LRAT: variants seen among roughly 807,000 people sequenced by gnomAD.
LRAT encodes the protein lecithin retinol acyltransferase (phosphatidylcholine--retinol O-acyltransferase).
A neutral mutation model predicts 14.2 loss-of-function variants in LRAT; 11 were observed. The ratio of observed to expected loss-of-function variants is 0.78; its 90% confidence interval spans 0.49 to 1.29. The LOEUF is 1.29. Ranked by LOEUF, LRAT falls within the 50% of genes most tolerant of loss-of-function variation. The pLI, the probability that LRAT is intolerant of heterozygous loss-of-function variation, is 0.00. For missense variants in LRAT, 274 were observed against 292.4 expected, an observed-to-expected ratio of 0.94 and a Z score of 0.46; for synonymous variants, 144 against 124.8, an observed-to-expected ratio of 1.15 and a Z score of -1.03.
At position 154,751,778 on chromosome 4, in the gene LRAT, T is replaced by C. The variant is rs907692118; in HGVS notation, c.*2642T>C. 2.9e-5 allele frequency: 4 copies of C among 140,172 alleles called. No homozygotes were observed. Among genetic ancestry groups the C allele is most frequent in the Admixed American group, 7.2e-5 (1 of 13,946 alleles). 8.7% of individuals were successfully genotyped at this position (140,172 alleles called of 1,614,324 possible). A position where few individuals can be genotyped will look rare whatever the true frequency, so the allele number is the denominator to read the frequency against. ...AAAAAAAAAAAAGAAGAAGAAACCC[T>C]GAGCCATTAATGTGTCTCGTAACTT... On this transcript the variant is annotated 3_prime_UTR_variant, in exon 3 of 3. Coordinates refer to ENST00000336356, the MANE Select transcript of LRAT (RefSeq NM_004744.5).
upstream of LRAT, among the ~76,000 whole-genome samples, chr4:154,743,675 T>A (rs560654572): frequency 6.6e-6 from 1 of 152,190 alleles, no homozygotes; most frequent in East Asian, 1.9e-4. Flanking sequence ...CACCGAAGAC[T>A]ACCGCGAAGT....
chr4:154,750,445 A>G lies in LRAT; in HGVS notation c.*1309A>G, dbSNP rs535606355. ...AAAATGAAGCCACAGCTAGACTTGCATTTCAGGTATTAAAATTGCTTTCTT... is the reference window on the plus strand; with the variant it reads ...AAAATGAAGCCACAGCTAGACTTGCGTTTCAGGTATTAAAATTGCTTTCTT... On this transcript the variant is annotated 3_prime_UTR_variant, in exon 3 of 3. Transcript: ENST00000336356. The G allele has an allele frequency of 7.2e-5, 11 of 152,302 alleles. No homozygotes were observed. The highest frequency in any genetic ancestry group is 1.3e-4 in the Non-Finnish European group (9 of 67,992). The allele number at this position is 152,302 out of a possible 1,614,324, so 9.4% of individuals were successfully genotyped here.
rs1048145646 is a variant in LRAT at position 154,744,331 on chromosome 4, A to G, written c.5A>G (p.Lys2Arg). The G allele has an allele frequency of 1.2e-6, 2 of 1,613,504 alleles. No homozygotes were observed. The highest frequency in any genetic ancestry group is 1.3e-5 in the African/African-American group (1 of 74,930). M[K>R]NPMLEVVSLL... ...AGACGCCCTCTTCCCTGCAGGATGAAGAACCCCATGCTGGAGGTGGTGTCT... is the reference window on the plus strand; with the variant it reads ...AGACGCCCTCTTCCCTGCAGGATGAGGAACCCCATGCTGGAGGTGGTGTCT... The change falls in exon 2 of 3, where the codon AAG (lysine) becomes AGG (arginine). Residue 2 changes from lysine (K) to arginine (R), a missense_variant. Transcript: ENST00000336356.
In LRAT at chr4:154,749,087, C is replaced by G. The variant is rs754566272; in HGVS notation, c.644C>G (p.Thr215Ser). 18 of 1,613,736 alleles carry G rather than the reference C, an allele frequency of 1.1e-5. 1 individual carries two copies. Among genetic ancestry groups the G allele is most frequent in the Middle Eastern group, 3.3e-4 (2 of 6,084 alleles). The change falls in exon 3 of 3, where the codon ACT (threonine) becomes AGT (serine). Residue 215 changes from threonine (T) to serine (S), a missense_variant. By Grantham distance (58) the Thr-to-Ser change is moderately conservative. Coordinates refer to ENST00000336356, the MANE Select transcript of LRAT (RefSeq NM_004744.5). ...GTCTGTACGGGCTTGGTATCATACA[C>G]TACCCTTCCTGCAATTTTTATTCCA... Reference protein sequence around the residue: ...SIVCTGLVSYTTLPAIFIPFF... With the variant: ...SIVCTGLVSYSTLPAIFIPFF...
chr4:154,748,365 A>G (rs1732922983), intron 2 of LRAT: 1 of 986,592 alleles, frequency 1.0e-6, no homozygotes, highest in Non-Finnish European at 1.2e-6. Flanking sequence ...CATTACACAT[A>G]TTAGAAGGAT....
At position 154,744,637 on chromosome 4, in the gene LRAT, A is replaced by T; in HGVS notation, c.311A>T (p.Lys104Ile). Reference sequence around the variant, plus strand: ...CGTCTCATCCTGGGCGTTATTGTCAAAGTGGCCAGCATCCGCGTGGACACA... The same window carrying T: ...CGTCTCATCCTGGGCGTTATTGTCATAGTGGCCAGCATCCGCGTGGACACA... ...NKRLILGVIV[K>I]VASIRVDTVE... The change falls in exon 2 of 3, where the codon AAA becomes ATA. Residue 104 changes from lysine to isoleucine, a missense_variant. Lys to Ile is a moderately radical substitution (Grantham distance 102, BLOSUM62 -3). Transcript: ENST00000336356. 1 of 1,614,180 alleles carries T rather than the reference A, an allele frequency of 6.2e-7. No homozygotes were observed. The highest frequency in any genetic ancestry group is 2.2e-5 in the East Asian group (1 of 44,870).
chr4:154,748,652 TA>T (rs1732927304), intron 2 of LRAT, among the ~76,000 whole-genome samples: 1 of 152,142 alleles, frequency 6.6e-6, no homozygotes, highest in African/African-American at 2.4e-5. Flanking sequence ...CATCTAATTT[TA>T]AAATATGCTA....
At position 154,749,011 on chromosome 4, in the gene LRAT, C is replaced by T. The variant is rs748491424; in HGVS notation, c.568C>T (p.Arg190Cys). ...TTGTGAGACTGTGAAGATAATTATT[C>T]GTGATCAGAGAAGTGTTCTTGCTTC... Reference protein sequence around the residue: ...KFCETVKIIIRDQRSVLASAV... With the variant: ...KFCETVKIIICDQRSVLASAV... Residue 190 changes from arginine to cysteine, a missense_variant, in exon 3 of 3, where the codon CGT (arginine) becomes TGT (cysteine). Transcript: ENST00000336356. 6 of 1,613,652 alleles carry T rather than the reference C, an allele frequency of 3.7e-6. No homozygotes were observed. Among genetic ancestry groups the T allele is most frequent in the Admixed American group, 1.7e-5 (1 of 60,014 alleles).
intron 1 of LRAT, 25 bp from the exon 2 acceptor site, chr4:154,744,301 C>CT: frequency 2.5e-6 from 4 of 1,613,246 alleles, no homozygotes; most frequent in Non-Finnish European, 3.4e-6. Context: ...ACCGGCACCT[C>CT]TCCAAGACGC....
Position 154,744,397 on chromosome 4 carries a change from T to C in LRAT, c.71T>C (p.Leu24Pro), listed in dbSNP as rs1303567723. The C allele has an allele frequency of 1.2e-6, 2 of 1,614,146 alleles. No homozygotes were observed. Residue 24 changes from leucine to proline, a missense_variant, in exon 2 of 3, where the codon CTC becomes CCC. Leu to Pro is a moderately conservative substitution (Grantham distance 98). Transcript: ENST00000336356. ...CTGCTCCTCATCTCCAACTTCACGC[T>C]CTTTAGTTCGGGCGCCGCGGGCGAA... The part of the protein sequence containing the change: ...EKLLLISNFT[L>P]FSSGAAGEDK...
Position 154,750,014 on chromosome 4 carries a change from G to T in LRAT, c.*878G>T, listed in dbSNP as rs563046583. ...TGCTTTATTATCATCATACTAGTGT[G>T]TTCATTATAGAGTATCTGTAGAGGT... is the stretch of plus-strand genomic sequence containing the variant. On this transcript the variant is annotated 3_prime_UTR_variant, in exon 3 of 3. Transcript: ENST00000336356. 2 of 152,236 alleles carry T rather than the reference G, an allele frequency of 1.3e-5. No homozygotes were observed. The highest frequency in any genetic ancestry group is 3.9e-4 in the East Asian group (2 of 5,194). The allele number at this position is 152,236 out of a possible 1,614,324, so 9.4% of individuals were successfully genotyped here.
chr4:154,748,098 T>TG, intron 2 of LRAT: 1 of 328,730 alleles, frequency 3.0e-6, no homozygotes, highest in South Asian at 1.2e-4. Context: ...TGACAATCAC[T>TG]GCATTCTGGC....
rs1732953145 is a variant in LRAT at position 154,749,767 on chromosome 4, A to C, written c.*631A>C. On this transcript the variant is annotated 3_prime_UTR_variant, in exon 3 of 3. Transcript: ENST00000336356. ...TAGAAATCTGTGTTTTCCTGTAAAAATAGCACTATAGTATCACTTGAACAA... is the reference window on the plus strand; with the variant it reads ...TAGAAATCTGTGTTTTCCTGTAAAACTAGCACTATAGTATCACTTGAACAA... The C allele has an allele frequency of 6.6e-6, 1 of 152,522 alleles. No homozygotes were observed. Among genetic ancestry groups the C allele is most frequent in the Admixed American group, 6.5e-5 (1 of 15,302 alleles). The allele number at this position is 152,522 out of a possible 1,614,324, so 9.4% of individuals were successfully genotyped here.
chr4:154,744,870 T>C lies in LRAT; in HGVS notation c.540+4T>C. 1.2e-6 allele frequency: 2 copies of C among 1,612,646 alleles called. No individual in the cohort carries two copies. Among genetic ancestry groups the C allele is most frequent in the Non-Finnish European group, 1.7e-6 (2 of 1,179,998 alleles). On this transcript the variant is annotated splice_donor_region_variant and intron_variant, in intron 2 of 2. Transcript: ENST00000336356. ...GATCAGTCCCCAGTCCGACAAGGTA[T>C]GATGTGTGACTCCCAGGGGAAGTGG...
At chr4:154,743,286 GACCAGCCTGGCCAAC>G (rs1184515012), upstream of LRAT, among the ~76,000 whole-genome samples, 273 of 152,194 alleles carry the variant, frequency 1.8e-3, 1 homozygote, top group African/African-American at 6.1e-3. Flanking sequence ...AGGAGTTCGA[GACCAGCCTGGCCAAC>G]ACCAGCCTGG....
At chr4:154,744,936 T>C in intron 2 of LRAT, 70 bp downstream of exon 2, 1 of 1,486,200 alleles carries the variant, frequency 6.7e-7, no homozygotes, top group Non-Finnish European at 9.3e-7. Context: ...ACCTTTTCTC[T>C]TCCCCGCGAG....
intron 2 of LRAT, among the ~76,000 whole-genome samples, chr4:154,746,699 A>G (rs1022059838): frequency 3.9e-5 from 6 of 152,350 alleles, no homozygotes; most frequent in Admixed American, 3.9e-4. Flanking sequence ...GCTGCATTAT[A>G]TATTTCTACA....
Position 154,744,565 on chromosome 4 carries a change from C to T in LRAT, c.239C>T (p.Ala80Val), listed in dbSNP as rs1251943526. 8 of 1,614,016 alleles carry T rather than the reference C, an allele frequency of 5.0e-6. No individual in the cohort carries two copies. Among genetic ancestry groups the T allele is most frequent in the Non-Finnish European group, 5.1e-6 (6 of 1,180,044 alleles). The part of the protein sequence containing the change: ...VAHMMPDILL[A>V]LTDDMGRTQK... ...CACATGATGCCCGACATCCTGTTGGCCCTGACAGACGACATGGGGCGCACG... is the reference window on the plus strand; with the variant it reads ...CACATGATGCCCGACATCCTGTTGGTCCTGACAGACGACATGGGGCGCACG... The change falls in exon 2 of 3, where the codon GCC (alanine) becomes GTC (valine). Residue 80 changes from alanine (A) to valine (V), a missense_variant. Ala to Val is a moderately conservative substitution (Grantham distance 64, BLOSUM62 0). Transcript: ENST00000336356.
chr4:154,749,170 A>G lies in LRAT; in HGVS notation c.*34A>G, dbSNP rs1363482722. On this transcript the variant is annotated 3_prime_UTR_variant, in exon 3 of 3. Coordinates refer to ENST00000336356, the MANE Select transcript of LRAT (RefSeq NM_004744.5). ...CCCCATGTCAGTGTGTGTATTCTGT[A>G]TGTAAATATGTTTATATTTATAGAG... is the stretch of plus-strand genomic sequence containing the variant. 1 of 1,590,288 alleles carries G rather than the reference A, an allele frequency of 6.3e-7. No homozygotes were observed. The highest frequency in any genetic ancestry group is 8.6e-7 in the Non-Finnish European group (1 of 1,158,548).
Sources: allele counts gnomAD v4.1 joint callset (sites outside exome capture counted in the v4.1 genomes callset), GRCh38; gene constraint gnomAD v4.1.1; transcripts MANE v1.5; gene names NCBI Gene and HGNC (gene_info 2026-07-23, HGNC 2026-07-21).